The following RAPGEF4 variants were observed in gnomAD, a reference collection of about 807,000 sequenced individuals.
The protein encoded by RAPGEF4 is Rap guanine nucleotide exchange factor 4.
Under a neutral mutation model 147.9 loss-of-function variants are expected in RAPGEF4, and 66 were observed. The observed-to-expected ratio is 0.45, with a 90% CI of 0.37 to 0.55. The LOEUF is 0.55. Among genes scored for constraint, RAPGEF4 ranks in the 20% least tolerant of loss-of-function variants. The pLI, the probability that RAPGEF4 is intolerant of heterozygous loss-of-function variation, is 0.00. For synonymous variants in RAPGEF4, 419 were observed against 442.7 expected (o/e 0.95, Z 0.67); for missense variants, 1,071 against 1,257.3 (o/e 0.85, Z 2.24).
At chr2:172,893,596 A>C (rs977990481) in intron 4 of RAPGEF4, among the ~76,000 whole-genome samples, 1 of 151,970 alleles carries the variant, frequency 6.6e-6, no homozygotes, top group Non-Finnish European at 1.5e-5. Context: ...TATGAATTCA[A>C]TTTTTTGTTT....
At chr2:172,821,734 A>C (rs1689079749) in intron 4 of RAPGEF4, 1 of 926,452 alleles carries the variant, frequency 1.1e-6, no homozygotes, top group African/African-American at 2.3e-5. Flanking sequence ...AGCTAACTAA[A>C]GTTAAAAAAA....
intron 4 of RAPGEF4, among the ~76,000 whole-genome samples, chr2:172,815,429 A>C (rs1688407332): frequency 2.0e-5 from 3 of 152,180 alleles, no homozygotes; most frequent in Admixed American, 2.0e-4. Flanking sequence ...ATAAATTGTG[A>C]GGTTACTTGT....
chr2:173,031,291 A>T (rs2105977937), intron 26 of RAPGEF4, among the ~76,000 whole-genome samples: 1 of 152,306 alleles, frequency 6.6e-6, no homozygotes, highest in South Asian at 2.1e-4. Context: ...TATAGGAATG[A>T]GGGAATTGGT....
intron 4 of RAPGEF4, among the ~76,000 whole-genome samples, chr2:172,903,028 A>G (rs557687823): frequency 2.0e-5 from 3 of 152,282 alleles, no homozygotes; most frequent in South Asian, 2.1e-4. Flanking sequence ...GTCACTGCAA[A>G]CAACATGTGT....
At chr2:172,870,648 G>A (rs59260287) in intron 4 of RAPGEF4, among the ~76,000 whole-genome samples, 2,295 of 152,232 alleles carry the variant, frequency 0.015, 67 homozygotes, top group African/African-American at 0.052. Flanking sequence ...CTTCAGTCAC[G>A]GTGGGATGTT....
In RAPGEF4 at chr2:173,042,304, TAATA is replaced by T. The variant is rs925814512; in HGVS notation, c.2853+5616_2853+5619del. Among the ~76,000 whole-genome samples the T allele has an allele frequency of 3.3e-5, 5 of 152,360 alleles. No homozygotes were observed. Among genetic ancestry groups the T allele is most frequent in the African/African-American group, 9.6e-5 (4 of 41,584 alleles). On this transcript the variant is annotated intron_variant, in intron 29 of 30. Transcript: ENST00000397081. The surrounding 1 kb of genome is among the most constrained non-coding windows in gnomAD (Gnocchi z 4.2). ...GAAAGCATTTTTCAAATATTTTATG[TAATA>T]AATCCAAAAGTGTCTTCTATTTTAT...
chr2:172,808,844 A>AT (rs1228719684), intron 3 of RAPGEF4, among the ~76,000 whole-genome samples: 1 of 152,004 alleles, frequency 6.6e-6, no homozygotes, highest in Non-Finnish European at 1.5e-5. Flanking sequence ...CTTCCAGGGG[A>AT]TTTTCCCTGC....
intron 6 of RAPGEF4, among the ~76,000 whole-genome samples, chr2:172,943,738 C>T (rs921873330): frequency 2.0e-5 from 3 of 152,184 alleles, no homozygotes; most frequent in African/African-American, 7.2e-5. Flanking sequence ...CGCTGTCTTG[C>T]CTTTCACCCG....
intron 3 of RAPGEF4, among the ~76,000 whole-genome samples, chr2:172,808,544 G>A (rs577204876): frequency 6.6e-6 from 1 of 152,272 alleles, no homozygotes; most frequent in Admixed American, 6.5e-5. Context: ...TTGCTTTTTA[G>A]AAATATGGAT....
intron 6 of RAPGEF4, 83 bp from the exon 7 acceptor site, chr2:172,960,675 ATG>A (rs1689193033): frequency 1.1e-6 from 1 of 877,272 alleles, no homozygotes; most frequent in East Asian, 2.9e-5. Flanking sequence ...TAAAAAATGG[ATG>A]TTTCTTATTA....
chr2:172,739,706 A>C (rs918099609), intron 1 of RAPGEF4, among the ~76,000 whole-genome samples: 3 of 152,212 alleles, frequency 2.0e-5, no homozygotes, highest in African/African-American at 7.2e-5. Flanking sequence ...TTTTCCCGTA[A>C]GATTTTAAAT....
chr2:172,844,158 G>T (rs1691916427), intron 4 of RAPGEF4, among the ~76,000 whole-genome samples: 1 of 152,196 alleles, frequency 6.6e-6, no homozygotes, highest in Non-Finnish European at 1.5e-5. Flanking sequence ...GTAAGTCTGT[G>T]TACTCTGTCC....
chr2:172,930,640 C>G (rs2676515), intron 6 of RAPGEF4, among the ~76,000 whole-genome samples: 75,208 of 151,950 alleles, frequency 0.49, 18,938 homozygotes, highest in East Asian at 0.63. Flanking sequence ...TAACTGCCAG[C>G]CACCCCCACT....
At chr2:172,935,363 T>C (rs1030773224) in intron 6 of RAPGEF4, among the ~76,000 whole-genome samples, 10 of 152,054 alleles carry the variant, frequency 6.6e-5, no homozygotes, top group African/African-American at 2.4e-4. Flanking sequence ...TGGCCTATGG[T>C]GGGTCACATG....
intron 4 of RAPGEF4, among the ~76,000 whole-genome samples, chr2:172,880,281 A>G (rs1043524614): frequency 7.2e-5 from 11 of 152,218 alleles, no homozygotes; most frequent in African/African-American, 2.2e-4. Flanking sequence ...ATTAGATTCA[A>G]TAGAGCTCAC....
chr2:172,884,226 G>C (rs1195997433), intron 4 of RAPGEF4, among the ~76,000 whole-genome samples: 1 of 152,176 alleles, frequency 6.6e-6, no homozygotes, highest in Admixed American at 6.5e-5. Flanking sequence ...TTTCAAGTTG[G>C]AAGCCATGAA....
chr2:172,795,560 T>C (rs1686278586), intron 2 of RAPGEF4, among the ~76,000 whole-genome samples: 1 of 152,242 alleles, frequency 6.6e-6, no homozygotes, highest in Non-Finnish European at 1.5e-5. Flanking sequence ...ATGCCAGTAA[T>C]ATCATCTATT....
chr2:172,807,257 T>C (rs780847317), intron 3 of RAPGEF4, among the ~76,000 whole-genome samples: 11 of 152,254 alleles, frequency 7.2e-5, no homozygotes, highest in Non-Finnish European at 1.0e-4. Flanking sequence ...GTCACAATGC[T>C]GGACAGACTG....
In RAPGEF4 at chr2:172,793,522, T is replaced by C. The variant is rs573748332; in HGVS notation, c.66-1503T>C. ...TTCATGGGAGCACATGGCTATTTGG[T>C]GAACATTACTTGTCTCTGTCACATC... is the stretch of plus-strand genomic sequence containing the variant. On this transcript the variant is annotated intron_variant, in intron 1 of 30. Coordinates refer to ENST00000397081, the MANE Select transcript of RAPGEF4 (RefSeq NM_007023.4). Among the ~76,000 whole-genome samples the C allele has an allele frequency of 1.2e-3, 180 of 152,294 alleles. 1 individual carries two copies. The highest frequency in any genetic ancestry group is 4.1e-3 in the African/African-American group (170 of 41,564).
Sources: allele counts gnomAD v4.1 joint callset (sites outside exome capture counted in the v4.1 genomes callset), GRCh38; gene constraint gnomAD v4.1.1; non-coding constraint Gnocchi (gnomAD v3.1); transcripts MANE v1.5; gene names NCBI Gene and HGNC (gene_info 2026-07-23, HGNC 2026-07-21).